Variants in SLC25A13 observed in about 807,000 individuals in gnomAD.
The protein encoded by SLC25A13 is electrogenic aspartate/glutamate antiporter SLC25A13, mitochondrial.
A neutral mutation model predicts 85.5 loss-of-function variants in SLC25A13; 70 were observed. That is an observed-to-expected ratio of 0.82 (90% CI 0.68 to 1.00). The LOEUF (loss-of-function observed/expected upper bound fraction) is 1.00. Ranked by LOEUF, SLC25A13 falls within the 50% of genes least tolerant of loss-of-function variation. The pLI, the probability that SLC25A13 is intolerant of heterozygous loss-of-function variation, is 0.00. For missense variants in SLC25A13, 765 were observed against 819.8 expected (o/e 0.93, Z 0.82); for synonymous variants, 259 against 288.7 (o/e 0.90, Z 1.04).
chr7:96,277,281 G>A lies in SLC25A13; in HGVS notation c.127C>T (p.Arg43Ter), dbSNP rs780525233. The change falls in exon 3 of 18, where the codon CGA becomes TGA. Residue 43 changes from arginine (R) to a stop codon, truncating the protein, a stop_gained. Coordinates refer to ENST00000265631, the MANE Select transcript of SLC25A13 (RefSeq NM_014251.3). LOFTEE classifies it high-confidence loss of function. ...FFMSPNDFVT[R>*]YLNIFGESQP... ...CTTTCTCCAAAAATGTTCAAGTATC[G>A]AGTGACAAAGTCATTGGGGGACATG... 84 of 1,612,538 alleles carry A rather than the reference G, an allele frequency of 5.2e-5. No individual in the cohort carries two copies. Among genetic ancestry groups the A allele is most frequent in the Non-Finnish European group, 6.6e-5 (78 of 1,179,370 alleles).
rs574800901 is a variant in SLC25A13, at chr7:96,251,331, G to A, written c.213-16414C>T. ...AGTACCACAAGGCCTTGTTGGCCAC[G>A]AGAAGGGCTTTGGCTTTTACTCTGA... On this transcript the variant is annotated intron_variant, in intron 3 of 17. Coordinates refer to ENST00000265631, the MANE Select transcript of SLC25A13 (RefSeq NM_014251.3). Among the ~76,000 whole-genome samples, 9 of 152,280 alleles carry A rather than the reference G, an allele frequency of 5.9e-5. No individual in the cohort carries two copies. In the East Asian group the frequency reaches 9.6e-4, roughly 16 times the overall value.
intron 15 of SLC25A13, among the ~76,000 whole-genome samples, chr7:96,128,939 G>GCGCTCTCTCTCT (rs1791869242): frequency 1.2e-5 from 1 of 81,902 alleles, no homozygotes; most frequent in Admixed American, 1.4e-4. Context: ...TGCCTTGCTT[G>GCGCTCTCTCTCT]CTCTCTCTCT....
At position 96,131,787 on chromosome 7, in the gene SLC25A13, C is replaced by T. The variant is rs763244253; in HGVS notation, c.1547G>A (p.Gly516Glu). 3.1e-6 allele frequency: 5 copies of T among 1,613,916 alleles called. No individual in the cohort carries two copies. In the Admixed American group the frequency reaches 5.0e-5, roughly 16 times the overall value. The change falls in exon 15 of 18, where the codon GGG becomes GAG. Residue 516 changes from glycine (G) to glutamate (E), a missense_variant. Gly to Glu is a moderately conservative substitution (Grantham distance 98). Coordinates refer to ENST00000265631, the MANE Select transcript of SLC25A13 (RefSeq NM_014251.3). ...HVKASFANED[G>E]QVSPGSLLLA... Reference sequence around the variant, plus strand: ...GAGCAGGCTTCCTGGGCTAACCTGCCCATCTTCATTTGCAAAGGAAGCCTT... The same window carrying T: ...GAGCAGGCTTCCTGGGCTAACCTGCTCATCTTCATTTGCAAAGGAAGCCTT...
At chr7:96,233,067 T>G (rs1410429344) in intron 4 of SLC25A13, among the ~76,000 whole-genome samples, 1 of 152,230 alleles carries the variant, frequency 6.6e-6, no homozygotes, top group Non-Finnish European at 1.5e-5. Flanking sequence ...TTCACACGCA[T>G]GAAGGGAAGA....
At chr7:96,199,711 A>G (rs1439996181) in intron 5 of SLC25A13, among the ~76,000 whole-genome samples, 1 of 152,188 alleles carries the variant, frequency 6.6e-6, no homozygotes, top group Non-Finnish European at 1.5e-5. Context: ...TTAATGCAAC[A>G]GGCTTTTATT....
chr7:96,309,704 A>G (rs1343640199), intron 1 of SLC25A13: 1 of 152,222 alleles, frequency 6.6e-6, no homozygotes, highest in Non-Finnish European at 1.5e-5. Flanking sequence ...AGGAGGAAAC[A>G]AAATAAATCA....
At chr7:96,134,823 A>T (rs1341106344) in intron 14 of SLC25A13, among the ~76,000 whole-genome samples, 1 of 148,742 alleles carries the variant, frequency 6.7e-6, no homozygotes, top group Non-Finnish European at 1.5e-5. Flanking sequence ...AACCCTGAGG[A>T]AAGGGTAGAA....
At chr7:96,175,086 C>T (rs1001301820) in intron 11 of SLC25A13, among the ~76,000 whole-genome samples, 2 of 152,156 alleles carry the variant, frequency 1.3e-5, no homozygotes, top group African/African-American at 4.8e-5. Context: ...TACCAGACCC[C>T]AGGGGCATCA....
Position 96,277,121 on chromosome 7 carries a change from C to T in SLC25A13, c.212+75G>A, listed in dbSNP as rs1460286071. The T allele has an allele frequency of 6.9e-6, 10 of 1,452,020 alleles. No homozygotes were observed. In the Admixed American group the frequency reaches 1.6e-4, roughly 23 times the overall value. 89.9% of individuals were successfully genotyped at this position (1,452,020 alleles called of 1,614,324 possible). On this transcript the variant is annotated intron_variant, in intron 3 of 17. Coordinates refer to ENST00000265631, the MANE Select transcript of SLC25A13 (RefSeq NM_014251.3). ...AGATGGGAAGGTATACATTTAATGACTTCCTGGTCATTAGAGCAAAAGAAA... is the reference window on the plus strand; with the variant it reads ...AGATGGGAAGGTATACATTTAATGATTTCCTGGTCATTAGAGCAAAAGAAA...
intron 13 of SLC25A13, among the ~76,000 whole-genome samples, chr7:96,150,447 A>T (rs896273466): frequency 1.3e-5 from 2 of 152,152 alleles, no homozygotes; most frequent in Non-Finnish European, 2.9e-5. Flanking sequence ...CATAAGAGGA[A>T]ATTGAAGCAC....
intron 2 of SLC25A13, among the ~76,000 whole-genome samples, chr7:96,285,142 C>T (rs180689756): frequency 2.0e-5 from 3 of 152,228 alleles, no homozygotes; most frequent in Admixed American, 6.5e-5. Context: ...GCACTCAGAC[C>T]GTATTTTCTC....
At chr7:96,280,552 C>T (rs1413107873) in intron 2 of SLC25A13, among the ~76,000 whole-genome samples, 2 of 151,900 alleles carry the variant, frequency 1.3e-5, no homozygotes, top group African/African-American at 4.8e-5. Flanking sequence ...TCCATCTCTA[C>T]AAAAAATAAA....
chr7:96,290,587 C>A, intron 2 of SLC25A13, among the ~76,000 whole-genome samples: 3 of 144,088 alleles, frequency 2.1e-5, no homozygotes, highest in African/African-American at 5.2e-5. Context: ...GAAGATCTAC[C>A]AAGCAAATGG....
chr7:96,237,815 G>A (rs1277528580), intron 3 of SLC25A13, among the ~76,000 whole-genome samples: 1 of 152,174 alleles, frequency 6.6e-6, no homozygotes, highest in African/African-American at 2.4e-5. Context: ...GGATAACTGA[G>A]TGGGATGATG....
rs1311802793 is a variant in SLC25A13, at chr7:96,193,070, G to A, written c.582C>T (p.Val194=). ...RDIMVTIRPH[V]LTPFVEECLV... is the part of the protein sequence containing the mutation. The stretch of plus-strand genomic sequence containing the variant: ...GACATTCTTCTACAAAAGGAGTCAA[G>A]ACATGGGGGCGGATGGTGACCATGA... Residue 194 remains valine, a synonymous_variant, in exon 6 of 18, where the codon GTC becomes GTT. Transcript: ENST00000265631. 3.1e-6 allele frequency: 5 copies of A among 1,613,962 alleles called. No homozygotes were observed. Among genetic ancestry groups the A allele is most frequent in the Non-Finnish European group, 4.2e-6 (5 of 1,180,016 alleles).
Position 96,120,459 on chromosome 7 carries a change from G to T in SLC25A13, c.*732C>A. 1 of 454,410 alleles carries T rather than the reference G, an allele frequency of 2.2e-6. No homozygotes were observed. The highest frequency in any genetic ancestry group is 1.6e-5 in the South Asian group (1 of 64,476). The allele number at this position is 454,410 out of a possible 1,614,324, so 28.1% of individuals were successfully genotyped here. ...TTAAAATAGGCAGTAATCAGTACAT[G>T]TACATCATATGAGCAGTTTTTCAAA... On this transcript the variant is annotated 3_prime_UTR_variant, in exon 18 of 18. Transcript: ENST00000265631.
At chr7:96,189,790 T>C (rs1794777595) in intron 7 of SLC25A13, 116 bp from the exon 8 acceptor site, 2 of 895,446 alleles carry the variant, frequency 2.2e-6, no homozygotes, top group Admixed American at 1.8e-5. Flanking sequence ...TTATCATCAG[T>C]TGTAGAATTC....
chr7:96,249,954 C>T (rs546789610), intron 3 of SLC25A13, among the ~76,000 whole-genome samples: 25 of 149,806 alleles, frequency 1.7e-4, no homozygotes, highest in Non-Finnish European at 2.2e-4. Flanking sequence ...GAGGCTAAGG[C>T]GGGCGGATCA....
At chr7:96,154,169 T>A (rs190062768) in intron 13 of SLC25A13, among the ~76,000 whole-genome samples, 1 of 152,264 alleles carries the variant, frequency 6.6e-6, no homozygotes, top group Non-Finnish European at 1.5e-5. Context: ...AAAAATCGTG[T>A]AGAGGATCTT....
Sources: allele counts gnomAD v4.1 joint callset (sites outside exome capture counted in the v4.1 genomes callset), GRCh38; gene constraint gnomAD v4.1.1; transcripts MANE v1.5; gene names NCBI Gene and HGNC (gene_info 2026-07-23, HGNC 2026-07-21).